The following HIPK2 variants were observed in gnomAD, a reference collection of about 807,000 sequenced individuals.
HIPK2 encodes homeodomain interacting protein kinase 2.
A neutral mutation model predicts 113.7 loss-of-function variants in HIPK2; 27 were observed. The observed-to-expected ratio is 0.24, with a 90% CI of 0.17 to 0.33. The LOEUF (loss-of-function observed/expected upper bound fraction) is 0.33. HIPK2 is among the 10% of genes least tolerant of loss of function. The pLI, the probability that HIPK2 is intolerant of heterozygous loss-of-function variation, is 1.00. For missense variants in HIPK2, 1,257 were observed against 1,588.0 expected (o/e 0.79, Z 3.54); for synonymous variants, 631 against 642.2 (o/e 0.98, Z 0.26).
rs1796262255 is a variant in HIPK2 at position 139,750,519 on chromosome 7, G to A, written c.19+27086C>T. Among the ~76,000 whole-genome samples the A allele has an allele frequency of 1.3e-5, 2 of 152,202 alleles. 1 individual carries two copies. The highest frequency in any genetic ancestry group is 1.3e-4 in the Admixed American group (2 of 15,278). On this transcript the variant is annotated intron_variant, in intron 1 of 14. Transcript: ENST00000406875. Reference sequence around the variant, plus strand: ...GCGTGAACACGCCAGTTAAAAAAAAGTAATAGTCTTGAAGGTTGTCTGATA... The same window carrying A: ...GCGTGAACACGCCAGTTAAAAAAAAATAATAGTCTTGAAGGTTGTCTGATA...
rs944921597 is a variant in HIPK2, at chr7:139,561,881, T to A, written c.*11046A>T. ...CTATTATTAGTTTCCAAGACTAATA[T>A]AAATTCACTCCATTTTTCTACAACG... On this transcript the variant is annotated 3_prime_UTR_variant, in exon 15 of 15. Transcript: ENST00000406875. 6 of 152,204 alleles carry A rather than the reference T, an allele frequency of 3.9e-5. No homozygotes were observed. Among genetic ancestry groups the A allele is most frequent in the Non-Finnish European group, 8.8e-5 (6 of 68,044 alleles). The allele number at this position is 152,204 out of a possible 1,614,324, so 9.4% of individuals were successfully genotyped here.
chr7:139,619,105 G>C (rs1800152373), intron 7 of HIPK2, among the ~76,000 whole-genome samples: 1 of 152,170 alleles, frequency 6.6e-6, no homozygotes, highest in African/African-American at 2.4e-5. Flanking sequence ...TTTGGGCAAA[G>C]GGAGATGGCA....
intron 2 of HIPK2, among the ~76,000 whole-genome samples, chr7:139,662,567 T>TA (rs759544979): frequency 2.6e-5 from 4 of 151,764 alleles, no homozygotes; most frequent in Non-Finnish European, 4.4e-5. Flanking sequence ...AGCCTGTCCC[T>TA]AGCTGTCTCT....
intron 9 of HIPK2, among the ~76,000 whole-genome samples, chr7:139,607,336 G>A (rs13438172): frequency 0.017 from 2,514 of 151,984 alleles, 68 homozygotes; most frequent in African/African-American, 0.057. Context: ...AAAAAATCCA[G>A]ATTAAAAGGG....
chr7:139,713,586 G>T (rs1795133286), intron 2 of HIPK2, among the ~76,000 whole-genome samples: 1 of 152,224 alleles, frequency 6.6e-6, no homozygotes, highest in Admixed American at 6.5e-5. Flanking sequence ...AACAGAGTTT[G>T]TCGAAGTCTT....
intron 1 of HIPK2, 123 bp downstream of exon 1, chr7:139,777,482 G>C (rs1796797831): frequency 1.2e-5 from 3 of 245,510 alleles, no homozygotes; most frequent in Admixed American, 6.3e-5. Context: ...CGGCCCCCTC[G>C]GGCCCCGGGT....
At chr7:139,749,994 G>A (rs1190206157) in intron 1 of HIPK2, among the ~76,000 whole-genome samples, 6 of 152,032 alleles carry the variant, frequency 3.9e-5, no homozygotes, top group African/African-American at 1.4e-4. Flanking sequence ...GGAGAACATC[G>A]CTGACCGCTC....
intron 1 of HIPK2, among the ~76,000 whole-genome samples, chr7:139,731,948 G>A (rs536159869): frequency 1.3e-5 from 2 of 152,068 alleles, no homozygotes; most frequent in African/African-American, 2.4e-5. Flanking sequence ...TCCACAACTC[G>A]CAGGGAGAGG....
chr7:139,580,032 T>C (rs952241148), intron 13 of HIPK2, among the ~76,000 whole-genome samples: 22 of 152,182 alleles, frequency 1.4e-4, no homozygotes, highest in African/African-American at 5.1e-4. Context: ...GATGGAGGGA[T>C]TTTTGTGGAC....
At position 139,581,910 on chromosome 7, in the gene HIPK2, G is replaced by T. The variant is rs547829810; in HGVS notation, c.2965+1907C>A. 7.9e-5 allele frequency among the ~76,000 whole-genome samples: 12 copies of T among 152,304 alleles called. No individual in the cohort carries two copies. The East Asian group carries it at 2.3e-3, about 29-fold the overall frequency. ...CATATATTTAAGGAACTTAAATAAT[G>T]ATACAAGACAAATTCTATCCTTTGC... On this transcript the variant is annotated intron_variant, in intron 13 of 14. Transcript: ENST00000406875.
intron 7 of HIPK2, among the ~76,000 whole-genome samples, chr7:139,618,801 C>T (rs1800143720): frequency 6.6e-6 from 1 of 152,150 alleles, no homozygotes; most frequent in Non-Finnish European, 1.5e-5. Flanking sequence ...TTCACAGATG[C>T]CTTTGATACC....
At chr7:139,620,254 G>A (rs191104956) in intron 7 of HIPK2, 147 bp downstream of exon 7, 62 of 1,211,840 alleles carry the variant, frequency 5.1e-5, no homozygotes, top group Non-Finnish European at 6.8e-5. Context: ...GTCCCTCAAA[G>A]GAAATAACCT....
chr7:139,730,418 T>C (rs1330789992), intron 1 of HIPK2, among the ~76,000 whole-genome samples: 1 of 151,880 alleles, frequency 6.6e-6, no homozygotes, highest in African/African-American at 2.4e-5. Flanking sequence ...TGGAGTGCAG[T>C]GGTGAGATCT....
intron 7 of HIPK2, among the ~76,000 whole-genome samples, chr7:139,615,171 A>G (rs1799994283): frequency 6.6e-6 from 1 of 152,250 alleles, no homozygotes; most frequent in African/African-American, 2.4e-5. Context: ...ACAGGAGCAC[A>G]TGCAACAGGC....
intron 2 of HIPK2, among the ~76,000 whole-genome samples, chr7:139,704,335 ATACATACCCCAC>A (rs1794825706): frequency 8.5e-6 from 1 of 118,332 alleles, no homozygotes; most frequent in African/African-American, 3.3e-5. Flanking sequence ...TATACCCAAC[ATACATACCCCAC>A]CACACACACT....
intron 2 of HIPK2, among the ~76,000 whole-genome samples, chr7:139,692,336 C>T (rs1311036040): frequency 6.6e-6 from 1 of 152,196 alleles, no homozygotes; most frequent in African/African-American, 2.4e-5. Context: ...AAAATCTGTG[C>T]ATTAAGCTCA....
At chr7:139,761,909 G>C (rs1287933394) in intron 1 of HIPK2, among the ~76,000 whole-genome samples, 1 of 152,090 alleles carries the variant, frequency 6.6e-6, no homozygotes, top group Admixed American at 6.6e-5. Context: ...AGACCTAAGA[G>C]ATGTAACAGT....
Position 139,716,966 on chromosome 7 carries a change from A to G in HIPK2, c.69T>C (p.Ser23=), listed in dbSNP as rs754917748. The G allele has an allele frequency of 6.2e-7, 1 of 1,613,890 alleles. No individual in the cohort carries two copies. Among genetic ancestry groups the G allele is most frequent in the Non-Finnish European group, 8.5e-7 (1 of 1,179,834 alleles). ...TCAGTTTCTTCACACTACAGAAGGC[A>G]CTTGATTGAAGGGTGTGAGGGGAGA... is the stretch of plus-strand genomic sequence containing the variant. ...QVFSPHTLQS[S]AFCSVKKLKI... The change falls in exon 2 of 15, where the codon AGT becomes AGC. Residue 23 remains serine (S), a synonymous_variant. Transcript: ENST00000406875. This position sits in a 1 kb window ranked among gnomAD's most constrained non-coding sequence, Gnocchi z 9.3.
intron 2 of HIPK2, among the ~76,000 whole-genome samples, chr7:139,677,374 C>T (rs781368760): frequency 1.3e-5 from 2 of 151,980 alleles, no homozygotes; most frequent in Non-Finnish European, 2.9e-5. Context: ...TGTCTTAGTT[C>T]GTTTGTGCTA....
Sources: allele counts gnomAD v4.1 joint callset (sites outside exome capture counted in the v4.1 genomes callset), GRCh38; gene constraint gnomAD v4.1.1; non-coding constraint Gnocchi (gnomAD v3.1); transcripts MANE v1.5; gene names NCBI Gene and HGNC (gene_info 2026-07-23, HGNC 2026-07-21).